The following CADM2 variants were observed in gnomAD, a reference collection of about 807,000 sequenced individuals.
The protein encoded by CADM2 is cell adhesion molecule 2.
In CADM2, 12 loss-of-function variants were observed where a neutral mutation model predicts 49.8. The observed-to-expected ratio is 0.24, with a 90% confidence interval of 0.15 to 0.39. The LOEUF (loss-of-function observed/expected upper bound fraction) is 0.39, where lower values mean the gene tolerates loss of function less well. CADM2 is among the 10% of genes least tolerant of loss of function. The pLI is 1.00. For missense variants in CADM2, 378 were observed against 492.3 expected (o/e 0.77, Z 2.20); for synonymous variants, 214 against 175.4 (o/e 1.22, Z -1.74).
chr3:85,060,873 A>T (rs2036280565), intron 1 of CADM2, among the ~76,000 whole-genome samples: 1 of 152,174 alleles, frequency 6.6e-6, no homozygotes, highest in Non-Finnish European at 1.5e-5. Context: ...AGATCAACAT[A>T]TTCAAATCAG....
chr3:85,077,019 A>G (rs1196151499), intron 1 of CADM2, among the ~76,000 whole-genome samples: 2 of 152,178 alleles, frequency 1.3e-5, no homozygotes, highest in African/African-American at 4.8e-5. Flanking sequence ...CAATTTTAGA[A>G]TACATTGTAT....
chr3:85,442,466 A>G (rs1031211932), intron 1 of CADM2, among the ~76,000 whole-genome samples: 3 of 97,216 alleles, frequency 3.1e-5, no homozygotes, highest in Admixed American at 1.1e-4. Flanking sequence ...TTTATTACAA[A>G]GAAAAATAAT....
At chr3:85,312,900 A>C (rs2044380989) in intron 1 of CADM2, among the ~76,000 whole-genome samples, 1 of 152,182 alleles carries the variant, frequency 6.6e-6, no homozygotes, top group Non-Finnish European at 1.5e-5. Context: ...ATTAAGAATT[A>C]ATTTATTTTT....
chr3:85,198,351 T>C (rs999406834), intron 1 of CADM2, among the ~76,000 whole-genome samples: 2 of 151,684 alleles, frequency 1.3e-5, no homozygotes, highest in African/African-American at 4.8e-5. Context: ...AGGGGAGATG[T>C]GTTCTTTATT....
intron 5 of CADM2, among the ~76,000 whole-genome samples, chr3:85,904,040 A>C (rs1394496042): frequency 1.3e-5 from 2 of 152,172 alleles, no homozygotes; most frequent in African/African-American, 4.8e-5. Context: ...TCATCTAAAC[A>C]CAAGGGCTTT....
At chr3:85,847,359 A>G (rs1559698136) in intron 3 of CADM2, among the ~76,000 whole-genome samples, 2 of 152,202 alleles carry the variant, frequency 1.3e-5, no homozygotes, top group African/African-American at 4.8e-5. Context: ...ATAGTGATCT[A>G]GGTAAGATTT....
intron 7 of CADM2, among the ~76,000 whole-genome samples, chr3:85,936,882 T>C (rs967954031): frequency 2.6e-5 from 4 of 151,868 alleles, no homozygotes; most frequent in African/African-American, 7.2e-5. Context: ...CTGTTCTCTC[T>C]TCTAGTAATT....
intron 1 of CADM2, among the ~76,000 whole-genome samples, chr3:85,053,462 A>C (rs2035960987): frequency 6.6e-6 from 1 of 152,040 alleles, no homozygotes; most frequent in South Asian, 2.1e-4. Context: ...GGGAGTGTTA[A>C]GTTAGAAGAC....
At chr3:85,127,539 CT>C in intron 1 of CADM2, among the ~76,000 whole-genome samples, 1 of 152,142 alleles carries the variant, frequency 6.6e-6, no homozygotes, top group Admixed American at 6.5e-5. Flanking sequence ...GGTCAGATTA[CT>C]TTTTTAAAGT....
At chr3:85,178,531 A>G (rs2040843046) in intron 1 of CADM2, among the ~76,000 whole-genome samples, 1 of 151,868 alleles carries the variant, frequency 6.6e-6, no homozygotes, top group Admixed American at 6.6e-5. Context: ...AGTTCTGACA[A>G]TGGAGGCCCA....
chr3:84,959,816 C>T (rs938730075), intron 1 of CADM2, 148 bp downstream of exon 1: 1 of 747,702 alleles, frequency 1.3e-6, no homozygotes, highest in Non-Finnish European at 2.2e-6. Flanking sequence ...CGGCAGGGGG[C>T]AGTGGCAGTT....
chr3:85,956,366 A>G (rs567552785), intron 7 of CADM2, among the ~76,000 whole-genome samples: 1 of 151,860 alleles, frequency 6.6e-6, no homozygotes, highest in East Asian at 2.0e-4. Context: ...CACAAATTGT[A>G]TCAAGACTTG....
At chr3:85,979,214 G>GC (rs1215407946) in intron 8 of CADM2, 2 of 1,610,742 alleles carry the variant, frequency 1.2e-6, no homozygotes, top group African/African-American at 1.3e-5. Context: ...CCTTACCACT[G>GC]CAACAGTCAC....
intron 1 of CADM2, among the ~76,000 whole-genome samples, chr3:85,116,029 A>C (rs1367793526): frequency 6.6e-6 from 1 of 152,224 alleles, no homozygotes; most frequent in African/African-American, 2.4e-5. Flanking sequence ...TGACTTTGTA[A>C]AAACACATGT....
chr3:85,261,136 A>C (rs1437476052), intron 1 of CADM2, among the ~76,000 whole-genome samples: 1 of 148,346 alleles, frequency 6.7e-6, no homozygotes, highest in Admixed American at 6.7e-5. Context: ...CTTTCTTTCT[A>C]TTTATTTATT....
intron 1 of CADM2, among the ~76,000 whole-genome samples, chr3:85,238,597 G>A (rs1230257392): frequency 6.6e-6 from 1 of 151,788 alleles, no homozygotes; most frequent in East Asian, 1.9e-4. Context: ...CAGCTTAGAT[G>A]ACAGTGAACA....
rs527675388 is a variant in CADM2 at position 86,070,634 on chromosome 3, C to A, written c.*3851C>A. Reference sequence around the variant, plus strand: ...TAATTTCTGATAAAACAATACAAAACAAAAAAAAAGCAGTAATCACAGCCA... The same window carrying A: ...TAATTTCTGATAAAACAATACAAAAAAAAAAAAAAGCAGTAATCACAGCCA... On this transcript the variant is annotated 3_prime_UTR_variant, in exon 10 of 10. Coordinates refer to ENST00000383699, the MANE Select transcript of CADM2 (RefSeq NM_001167675.2). 58 of 149,614 alleles carry A rather than the reference C, an allele frequency of 3.9e-4. No homozygotes were observed. In the East Asian group the frequency reaches 9.3e-3, roughly 24 times the overall value. The allele number at this position is 149,614 out of a possible 1,614,324, so 9.3% of individuals were successfully genotyped here.
intron 7 of CADM2, among the ~76,000 whole-genome samples, chr3:85,949,714 G>A (rs983271946): frequency 1.3e-5 from 2 of 151,026 alleles, no homozygotes; most frequent in African/African-American, 4.8e-5. Context: ...ATTTTCTGAA[G>A]ATCACTGGTT....
intron 1 of CADM2, among the ~76,000 whole-genome samples, chr3:85,003,778 T>A (rs2033587528): frequency 1.3e-5 from 2 of 152,246 alleles, no homozygotes; most frequent in African/African-American, 4.8e-5. Flanking sequence ...ATGAAAACCC[T>A]ATTTTTAAAG....
Sources: allele counts gnomAD v4.1 joint callset (sites outside exome capture counted in the v4.1 genomes callset), GRCh38; gene constraint gnomAD v4.1.1; transcripts MANE v1.5; gene names NCBI Gene and HGNC (gene_info 2026-07-23, HGNC 2026-07-21).